MAMDC2: variants seen among roughly 807,000 people sequenced by gnomAD.
MAMDC2 encodes the protein MAM domain-containing protein 2.
In MAMDC2, 57 loss-of-function variants were observed where a neutral mutation model predicts 89.8. The observed-to-expected ratio is 0.63, with a 90% CI of 0.51 to 0.79. The LOEUF is 0.79. Among genes scored for constraint, MAMDC2 ranks in the 30% least tolerant of loss-of-function variants. The pLI, the probability that MAMDC2 is intolerant of heterozygous loss-of-function variation, is 0.00. For missense variants in MAMDC2, 800 were observed against 820.6 expected (o/e 0.97, Z 0.31); for synonymous variants, 313 against 293.4 (o/e 1.07, Z -0.68).
At chr9:70,122,939 T>G (rs1211533253) in intron 5 of MAMDC2, among the ~76,000 whole-genome samples, 1 of 152,056 alleles carries the variant, frequency 6.6e-6, no homozygotes, top group African/African-American at 2.4e-5. Context: ...CTGCTATGCT[T>G]GGTCACTGCC....
intron 2 of MAMDC2, among the ~76,000 whole-genome samples, chr9:70,094,693 C>T (rs568114478): frequency 1.8e-4 from 28 of 152,028 alleles, no homozygotes; most frequent in Non-Finnish European, 2.6e-4. Flanking sequence ...GAAGTTTACC[C>T]ATTTATTTAA....
At position 70,218,713 on chromosome 9, in the gene MAMDC2, G is replaced by A. The variant is rs1220066148; in HGVS notation, c.1911+117G>A. The A allele has an allele frequency of 2.6e-6, 3 of 1,162,004 alleles. No homozygotes were observed. The African/African-American group carries it at 4.6e-5, about 18-fold the overall frequency. The allele number at this position is 1,162,004 out of a possible 1,614,324, so 72.0% of individuals were successfully genotyped here. On this transcript the variant is annotated intron_variant, in intron 12 of 13. Transcript: ENST00000377182. ...TTCTTTTTCAGGGTCATAGACAAAG[G>A]CAGGATTAAGAGGGAGTAAACATAA...
Position 70,119,152 on chromosome 9 carries a change from G to T in MAMDC2, c.643+6020G>T, listed in dbSNP as rs146543265. 2.3e-3 allele frequency among the ~76,000 whole-genome samples: 327 copies of T among 141,486 alleles called. 1 individual carries two copies. The highest frequency in any genetic ancestry group is 8.7e-3 in the African/African-American group (318 of 36,542). 92.8% of individuals were successfully genotyped at this position (141,486 alleles called of 152,430 possible). A position where few individuals can be genotyped will look rare whatever the true frequency, so the allele number is the denominator to read the frequency against. On this transcript the variant is annotated intron_variant, in intron 5 of 13. Coordinates refer to ENST00000377182, the MANE Select transcript of MAMDC2 (RefSeq NM_153267.5). ...TCTTTCAGGAGGTAACCTACTGACA[G>T]CTCAGATCATTACTGTTTTCTACAT...
At chr9:70,176,525 T>C (rs1482912312) in intron 11 of MAMDC2, among the ~76,000 whole-genome samples, 3 of 152,182 alleles carry the variant, frequency 2.0e-5, no homozygotes, top group African/African-American at 7.2e-5. Context: ...TGAGTGAATA[T>C]TTGACATATT....
chr9:70,173,681 A>G (rs2032418473), intron 11 of MAMDC2, among the ~76,000 whole-genome samples: 1 of 152,206 alleles, frequency 6.6e-6, no homozygotes, highest in South Asian at 2.1e-4. Context: ...AGACTACTAC[A>G]GGGAATTCTG....
intron 9 of MAMDC2, among the ~76,000 whole-genome samples, chr9:70,161,985 C>A (rs2031991246): frequency 6.6e-6 from 1 of 152,146 alleles, no homozygotes; most frequent in African/African-American, 2.4e-5. Context: ...AAGAACTTAA[C>A]TAGGTTCATT....
chr9:70,217,660 A>G, intron 11 of MAMDC2: 1 of 1,586,246 alleles, frequency 6.3e-7, no homozygotes, highest in Middle Eastern at 2.3e-4. Context: ...AGTTGGTGGA[A>G]AACGCTAAAC....
chr9:70,060,527 C>T (rs1482117341), intron 2 of MAMDC2: 4 of 152,144 alleles, frequency 2.6e-5, no homozygotes, highest in South Asian at 4.1e-4. Flanking sequence ...TCTGCTGGTT[C>T]GAATGAGTGT....
intron 11 of MAMDC2, among the ~76,000 whole-genome samples, chr9:70,209,600 A>AC (rs2033306731): frequency 5.9e-5 from 9 of 151,896 alleles, no homozygotes; most frequent in Admixed American, 5.2e-4. Flanking sequence ...GGATTCACTG[A>AC]TTTTTTTGAA....
chr9:70,064,351 CTCT>C (rs750168781), intron 2 of MAMDC2, among the ~76,000 whole-genome samples: 1 of 152,122 alleles, frequency 6.6e-6, no homozygotes, highest in Non-Finnish European at 1.5e-5. Flanking sequence ...CATTGTATCA[CTCT>C]TATGCCTGTG....
At chr9:70,223,030 T>C (rs532069400) in intron 12 of MAMDC2, among the ~76,000 whole-genome samples, 1 of 149,276 alleles carries the variant, frequency 6.7e-6, no homozygotes, top group Non-Finnish European at 1.5e-5. Flanking sequence ...CCCCAGCTAC[T>C]AAGGCGCCTA....
chr9:70,187,347 C>G (rs1340188688), intron 11 of MAMDC2, among the ~76,000 whole-genome samples: 3 of 151,732 alleles, frequency 2.0e-5, no homozygotes, highest in African/African-American at 7.3e-5. Flanking sequence ...TTTTTTGAAT[C>G]TTAGCGATGT....
Position 70,074,599 on chromosome 9 carries a change from C to T in MAMDC2, c.148+29902C>T, listed in dbSNP as rs375786378. 5.9e-5 allele frequency among the ~76,000 whole-genome samples: 9 copies of T among 152,298 alleles called. No homozygotes were observed. In the South Asian group the frequency reaches 8.3e-4, roughly 14 times the overall value. On this transcript the variant is annotated intron_variant, in intron 2 of 13. Transcript: ENST00000377182. Reference sequence around the variant, plus strand: ...CTTGCTTTCCCAGCCGCCACCAAGGCACTGAATACAGAGCTGGCATGTGGC... The same window carrying T: ...CTTGCTTTCCCAGCCGCCACCAAGGTACTGAATACAGAGCTGGCATGTGGC...
At position 70,044,709 on chromosome 9, in the gene MAMDC2, C is replaced by A; in HGVS notation, c.148+12C>A. 2 of 1,537,940 alleles carry A rather than the reference C, an allele frequency of 1.3e-6. No individual in the cohort carries two copies. Among genetic ancestry groups the A allele is most frequent in the Non-Finnish European group, 1.8e-6 (2 of 1,134,746 alleles). ...TTTAAATGAGGAAGGTAAGGAGGCTCGGTGGAGAGGGGCGCGAAGTGAACT... is the reference window on the plus strand; with the variant it reads ...TTTAAATGAGGAAGGTAAGGAGGCTAGGTGGAGAGGGGCGCGAAGTGAACT... On this transcript the variant is annotated intron_variant, in intron 2 of 13. Coordinates refer to ENST00000377182, the MANE Select transcript of MAMDC2 (RefSeq NM_153267.5).
chr9:70,113,272 C>A lies in MAMDC2; in HGVS notation c.643+140C>A, dbSNP rs925959329. ...AGGGTGAGTAGGAACTAAGTAGGAA[C>A]CAGGAGGTGTGACAGAAGAGTAGGG... On this transcript the variant is annotated intron_variant, in intron 5 of 13. Transcript: ENST00000377182. The A allele has an allele frequency of 4.4e-6, 4 of 911,554 alleles. No homozygotes were observed. The African/African-American group carries it at 5.0e-5, about 11-fold the overall frequency. 56.5% of individuals were successfully genotyped at this position (911,554 alleles called of 1,614,324 possible). A position where few individuals can be genotyped will look rare whatever the true frequency, so the allele number is the denominator to read the frequency against.
intron 9 of MAMDC2, among the ~76,000 whole-genome samples, chr9:70,167,175 T>C (rs569261189): frequency 1.3e-5 from 2 of 152,180 alleles, no homozygotes; most frequent in African/African-American, 4.8e-5. Context: ...TCTTTGTATA[T>C]ATACAGAGTT....
chr9:70,194,793 C>T (rs553489922), intron 11 of MAMDC2, among the ~76,000 whole-genome samples: 1 of 152,082 alleles, frequency 6.6e-6, no homozygotes, highest in Admixed American at 6.6e-5. Flanking sequence ...TCTTGGACTC[C>T]TTGTTTTGTC....
chr9:70,067,864 T>C (rs1827305078), intron 2 of MAMDC2, among the ~76,000 whole-genome samples: 1 of 152,338 alleles, frequency 6.6e-6, no homozygotes, highest in African/African-American at 2.4e-5. Flanking sequence ...ATTGAGTCAC[T>C]AGATCAGAGA....
chr9:70,044,360 C>G (rs1473757920), intron 1 of MAMDC2, 129 bp downstream of exon 1: 4 of 1,082,286 alleles, frequency 3.7e-6, no homozygotes, highest in Non-Finnish European at 5.3e-6. Context: ...CCTCCGCAGC[C>G]GCTAACTCCC....
Sources: gnomAD v4.1 joint callset for allele counts (sites outside exome capture counted in the v4.1 genomes callset) on GRCh38, gnomAD v4.1.1 for gene constraint, MANE v1.5 for transcripts, NCBI Gene and HGNC (gene_info 2026-07-23, HGNC 2026-07-21) for gene names.